The following SMOC1 variants were observed in gnomAD, a reference collection of about 807,000 sequenced individuals.
The protein encoded by SMOC1 is SPARC related modular calcium binding 1.
A neutral mutation model predicts 56.3 loss-of-function variants in SMOC1; 22 were observed. The observed-to-expected ratio is 0.39, with a 90% CI of 0.28 to 0.56. SMOC1 has a LOEUF of 0.56. Among genes scored for constraint, SMOC1 ranks in the 20% least tolerant of loss-of-function variants. The pLI is 0.61. For missense variants in SMOC1, 509 were observed against 565.4 expected (o/e 0.90, Z 1.01); for synonymous variants, 193 against 215.0 (o/e 0.90, Z 0.89).
rs553706304 is a variant in SMOC1, at chr14:69,916,991, A to G, written c.100-35147A>G. 1.3e-3 allele frequency among the ~76,000 whole-genome samples: 197 copies of G among 152,370 alleles called. 3 individuals carry two copies. The highest frequency in any genetic ancestry group is 5.6e-3 in the South Asian group (27 of 4,830). ...TGAATTCTCATTTCTCAGACTGACC[A>G]TGCATTATAATACGGTGGTGGTTTT... On this transcript the variant is annotated intron_variant, in intron 1 of 11. Transcript: ENST00000361956.
chr14:69,965,464 A>G (rs944979493), intron 3 of SMOC1, among the ~76,000 whole-genome samples: 1 of 152,124 alleles, frequency 6.6e-6, no homozygotes, highest in African/African-American at 2.4e-5. Flanking sequence ...GTGAATGATA[A>G]TAAGTCTTTT....
intron 1 of SMOC1, among the ~76,000 whole-genome samples, chr14:69,922,618 G>A (rs1338159577): frequency 2.0e-5 from 3 of 152,158 alleles, no homozygotes; most frequent in African/African-American, 4.8e-5. Context: ...CAGCACCCTG[G>A]GCCCCCTCCA....
At chr14:69,955,890 G>A (rs1883167980) in intron 3 of SMOC1, among the ~76,000 whole-genome samples, 1 of 152,228 alleles carries the variant, frequency 6.6e-6, no homozygotes, top group African/African-American at 2.4e-5. Flanking sequence ...CTGAGACAGG[G>A]TGAAGGTAAA....
intron 3 of SMOC1, among the ~76,000 whole-genome samples, chr14:69,955,466 T>A (rs1021458837): frequency 6.6e-6 from 1 of 152,058 alleles, no homozygotes; most frequent in South Asian, 2.1e-4. Context: ...TAATAATAAT[T>A]GTTATATATT....
intron 5 of SMOC1, among the ~76,000 whole-genome samples, chr14:69,984,518 C>G (rs551811772): frequency 2.0e-5 from 3 of 152,096 alleles, no homozygotes; most frequent in Non-Finnish European, 2.9e-5. Context: ...ATAAACAACT[C>G]TTAAAGCTTA....
rs1370516236 is a variant in SMOC1, at chr14:69,927,546, A to G, written c.100-24592A>G. Among the ~76,000 whole-genome samples the G allele has an allele frequency of 2.0e-5, 3 of 152,228 alleles. No individual in the cohort carries two copies. In the East Asian group the frequency reaches 5.8e-4, roughly 29 times the overall value. On this transcript the variant is annotated intron_variant, in intron 1 of 11. Transcript: ENST00000361956. ...AAAAAATTAGCTGGGTGTGGTGGTGAGTGCCTGTGGTCCCTGCTACTTGGG... is the reference window on the plus strand; with the variant it reads ...AAAAAATTAGCTGGGTGTGGTGGTGGGTGCCTGTGGTCCCTGCTACTTGGG...
At chr14:69,949,185 C>T (rs61980658) in intron 1 of SMOC1, among the ~76,000 whole-genome samples, 6,440 of 152,230 alleles carry the variant, frequency 0.042, 160 homozygotes, top group Non-Finnish European at 0.05. Flanking sequence ...CCTCTGCCCA[C>T]GTGCAATGCA....
intron 5 of SMOC1, among the ~76,000 whole-genome samples, chr14:69,991,307 A>G (rs1160633999): frequency 1.3e-5 from 2 of 152,176 alleles, no homozygotes; most frequent in Non-Finnish European, 2.9e-5. Flanking sequence ...TAAGAGGGAC[A>G]AAGATACCCT....
intron 1 of SMOC1, among the ~76,000 whole-genome samples, chr14:69,895,116 A>G (rs539011359): frequency 6.6e-6 from 1 of 152,332 alleles, no homozygotes; most frequent in South Asian, 2.1e-4. Flanking sequence ...ATTTTTGTAG[A>G]GGATTGTGTT....
chr14:70,024,439 T>A (rs191510194), intron 11 of SMOC1, among the ~76,000 whole-genome samples: 1 of 152,106 alleles, frequency 6.6e-6, no homozygotes, highest in Non-Finnish European at 1.5e-5. Flanking sequence ...GAGCTGTAAG[T>A]TTTTTTTGAA....
chr14:69,946,652 A>G (rs1173971164), intron 1 of SMOC1, among the ~76,000 whole-genome samples: 1 of 152,184 alleles, frequency 6.6e-6, no homozygotes, highest in Non-Finnish European at 1.5e-5. Context: ...ACCAACCGTG[A>G]TTGCTCCTGA....
intron 10 of SMOC1, among the ~76,000 whole-genome samples, chr14:70,020,321 TCTG>T (rs1386530141): frequency 6.6e-6 from 1 of 152,190 alleles, no homozygotes; most frequent in Non-Finnish European, 1.5e-5. Flanking sequence ...GCTGAAATTT[TCTG>T]CTATTAATGT....
intron 6 of SMOC1, chr14:69,994,198 C>G (rs1884679605): frequency 4.6e-6 from 3 of 656,942 alleles, no homozygotes; most frequent in Admixed American, 4.5e-5. Flanking sequence ...ACAGGATGCC[C>G]TGATCGGCTC....
chr14:69,954,173 C>CT (rs928418228), intron 3 of SMOC1, among the ~76,000 whole-genome samples: 1 of 152,018 alleles, frequency 6.6e-6, no homozygotes, highest in Non-Finnish European at 1.5e-5. Context: ...TTTTTCTTCT[C>CT]TTTTTTTGGA....
chr14:70,010,589 G>T (rs904100398), intron 7 of SMOC1, among the ~76,000 whole-genome samples, 165 bp from the exon 8 acceptor site: 1 of 152,208 alleles, frequency 6.6e-6, no homozygotes, highest in African/African-American at 2.4e-5. Flanking sequence ...CTCAGCATGC[G>T]CTGGCATGGG....
chr14:69,892,009 A>T lies in SMOC1; in HGVS notation c.99+12232A>T, dbSNP rs142500420. Among the ~76,000 whole-genome samples the T allele has an allele frequency of 2.5e-3, 378 of 152,154 alleles. 1 individual carries two copies. The highest frequency in any genetic ancestry group is 8.0e-3 in the African/African-American group (333 of 41,500). ...TAAAAAATAGGGATGGTAAGTTTTT[A>T]AAAAAAATACTGAAGATATTAATCT... On this transcript the variant is annotated intron_variant, in intron 1 of 11. Transcript: ENST00000361956.
chr14:69,906,882 A>G (rs1373763336), intron 1 of SMOC1, among the ~76,000 whole-genome samples: 1 of 152,240 alleles, frequency 6.6e-6, no homozygotes, highest in Non-Finnish European at 1.5e-5. Flanking sequence ...AAGCTTGGCC[A>G]TGAAACAAGG....
At chr14:69,998,103 C>G (rs1884837219) in intron 7 of SMOC1, among the ~76,000 whole-genome samples, 1 of 152,212 alleles carries the variant, frequency 6.6e-6, no homozygotes, top group Non-Finnish European at 1.5e-5. Context: ...CCTACAGACT[C>G]TCCTAGTCTC....
intron 1 of SMOC1, among the ~76,000 whole-genome samples, chr14:69,939,889 G>T (rs1361738079): frequency 1.3e-5 from 2 of 152,166 alleles, no homozygotes; most frequent in Non-Finnish European, 2.9e-5. Flanking sequence ...CCAGGTCCAG[G>T]TGAGTGGGAC....
Sources: allele counts gnomAD v4.1 joint callset (sites outside exome capture counted in the v4.1 genomes callset), GRCh38; gene constraint gnomAD v4.1.1; transcripts MANE v1.5; gene names NCBI Gene and HGNC (gene_info 2026-07-23, HGNC 2026-07-21).